Variants in DNAJC12 observed in about 807,000 individuals in gnomAD.
DNAJC12 encodes dnaJ homolog subfamily C member 12.
In DNAJC12, 25 loss-of-function variants were observed where a neutral mutation model predicts 28.5. The observed-to-expected ratio is 0.88, with a 90% CI of 0.64 to 1.22. The LOEUF is 1.22. Among genes scored for constraint, DNAJC12 ranks in the 50% most tolerant of loss-of-function variants. The pLI is 0.00. For missense variants in DNAJC12, 222 were observed against 231.7 expected (o/e 0.96, Z 0.27); for synonymous variants, 77 against 80.6 (o/e 0.95, Z 0.24).
chr10:67,832,882 A>G (rs1842107444), intron 1 of DNAJC12, among the ~76,000 whole-genome samples: 3 of 152,230 alleles, frequency 2.0e-5, no homozygotes, highest in South Asian at 4.1e-4. Flanking sequence ...AGGTCAATAA[A>G]GCACATCCAT....
intron 1 of DNAJC12, among the ~76,000 whole-genome samples, chr10:67,829,606 ACTCCAGC>A (rs1436835826): frequency 3.3e-5 from 5 of 152,148 alleles, no homozygotes; most frequent in Non-Finnish European, 7.3e-5. Context: ...GCGCCACTGT[ACTCCAGC>A]CTGGGCGACA....
At chr10:67,824,418 G>C (rs114419924) in intron 1 of DNAJC12, among the ~76,000 whole-genome samples, 1,545 of 151,320 alleles carry the variant, frequency 0.01, 30 homozygotes, top group African/African-American at 0.036. Context: ...CCTGTCTTTT[G>C]GTCTTTTTCT....
rs1842157667 is a variant in DNAJC12, at chr10:67,838,148, A to T, written c.-137T>A. 3.4e-6 allele frequency: 2 copies of T among 587,572 alleles called. No individual in the cohort carries two copies. The highest frequency in any genetic ancestry group is 6.0e-6 in the Non-Finnish European group (2 of 334,906). The allele number at this position is 587,572 out of a possible 1,614,324, so 36.4% of individuals were successfully genotyped here. ...AAAAACTAGCTTTAAGACTGGCCAC[A>T]GTCAATACACCAGATGTCATCCTAG... On this transcript the variant is annotated 5_prime_UTR_variant, in exon 1 of 5. Transcript: ENST00000225171.
chr10:67,812,059 G>A (rs186890331), intron 2 of DNAJC12, among the ~76,000 whole-genome samples: 9 of 152,094 alleles, frequency 5.9e-5, no homozygotes, highest in Non-Finnish European at 1.0e-4. Context: ...AGGCAAGAGG[G>A]ACAGTAAAAC....
At chr10:67,822,757 G>A (rs1458038855) in intron 2 of DNAJC12, among the ~76,000 whole-genome samples, 1 of 152,114 alleles carries the variant, frequency 6.6e-6, no homozygotes, top group African/African-American at 2.4e-5. Flanking sequence ...GGAGGCCGAG[G>A]TGGGGGATCA....
chr10:67,834,855 A>G (rs962747644), intron 1 of DNAJC12, among the ~76,000 whole-genome samples: 1 of 152,144 alleles, frequency 6.6e-6, no homozygotes, highest in Non-Finnish European at 1.5e-5. Flanking sequence ...AATCCAATAT[A>G]GGGAGAAAGG....
chr10:67,832,522 T>A (rs1180306696), intron 1 of DNAJC12, among the ~76,000 whole-genome samples: 1 of 152,082 alleles, frequency 6.6e-6, no homozygotes, highest in African/African-American at 2.4e-5. Flanking sequence ...ACACTTAAAA[T>A]ACAATAACTA....
intron 1 of DNAJC12, among the ~76,000 whole-genome samples, chr10:67,828,509 T>C (rs1310281852): frequency 6.6e-6 from 1 of 152,202 alleles, no homozygotes; most frequent in Non-Finnish European, 1.5e-5. Flanking sequence ...TAGGAAAAGA[T>C]GACTTCCTGT....
At chr10:67,825,713 A>G (rs1043531943) in intron 1 of DNAJC12, 1 of 152,304 alleles carries the variant, frequency 6.6e-6, no homozygotes, top group African/African-American at 2.4e-5. Context: ...CACTTTTACA[A>G]TCAAAGTCAG....
At chr10:67,825,410 CA>C (rs1289604165) in intron 1 of DNAJC12, 1 of 152,274 alleles carries the variant, frequency 6.6e-6, no homozygotes, top group East Asian at 1.9e-4. Context: ...GCTCCATTTC[CA>C]ACCTGGGCAG....
intron 4 of DNAJC12, among the ~76,000 whole-genome samples, chr10:67,799,518 T>C (rs532770031): frequency 2.0e-5 from 3 of 152,346 alleles, no homozygotes; most frequent in East Asian, 3.9e-4. Context: ...TTATGAGTTA[T>C]ATGTTCTTCC....
At chr10:67,806,654 G>T (rs1841803977) in intron 3 of DNAJC12, among the ~76,000 whole-genome samples, 2 of 151,926 alleles carry the variant, frequency 1.3e-5, no homozygotes, top group South Asian at 4.2e-4. Flanking sequence ...GTGAAACCAC[G>T]TCTCTACTAA....
chr10:67,821,770 T>C (rs768174316), intron 2 of DNAJC12, among the ~76,000 whole-genome samples: 8 of 152,154 alleles, frequency 5.3e-5, no homozygotes, highest in Non-Finnish European at 1.0e-4. Context: ...CCTACAGCAA[T>C]GGCACCCAGC....
At position 67,812,837 on chromosome 10, in the gene DNAJC12, G is replaced by C. The variant is rs558480547; in HGVS notation, c.158-1174C>G. 5.5e-4 allele frequency among the ~76,000 whole-genome samples: 82 copies of C among 150,312 alleles called. 4 individuals are homozygous for C. In the South Asian group the frequency reaches 0.017, roughly 31 times the overall value. On this transcript the variant is annotated intron_variant, in intron 2 of 4. Coordinates refer to ENST00000225171, the MANE Select transcript of DNAJC12 (RefSeq NM_021800.3). ...ACTGGACTCCAGCCTGGGCGACAGA[G>C]CGAGACTCCATCTCAAAAAAAAAAA...
intron 2 of DNAJC12, among the ~76,000 whole-genome samples, chr10:67,817,196 A>T (rs190102961): frequency 6.6e-6 from 1 of 152,192 alleles, no homozygotes; most frequent in Non-Finnish European, 1.5e-5. Flanking sequence ...TCCATTAAGC[A>T]CTTTCCACAT....
intron 1 of DNAJC12, among the ~76,000 whole-genome samples, chr10:67,837,148 C>T (rs1267636905): frequency 2.0e-5 from 3 of 151,778 alleles, no homozygotes; most frequent in Non-Finnish European, 2.9e-5. Context: ...TGTTATAATA[C>T]GAATGGGTAA....
intron 1 of DNAJC12, among the ~76,000 whole-genome samples, chr10:67,823,963 C>T (rs188109197): frequency 7.6e-4 from 115 of 152,070 alleles, no homozygotes; most frequent in African/African-American, 2.5e-3. Context: ...CCAGTCCAGA[C>T]GTGGTGGCTC....
intron 3 of DNAJC12, among the ~76,000 whole-genome samples, chr10:67,810,636 T>G (rs1841849987): frequency 6.6e-6 from 1 of 152,144 alleles, no homozygotes; most frequent in African/African-American, 2.4e-5. Flanking sequence ...TCTAGCCAGG[T>G]GCGATGGCTC....
chr10:67,799,208 T>C (rs1275944933), intron 4 of DNAJC12, among the ~76,000 whole-genome samples: 1 of 152,230 alleles, frequency 6.6e-6, no homozygotes, highest in African/African-American at 2.4e-5. Flanking sequence ...TACACTTCCA[T>C]TGATATTTTA....
Sources: allele counts gnomAD v4.1 joint callset (sites outside exome capture counted in the v4.1 genomes callset), GRCh38; gene constraint gnomAD v4.1.1; transcripts MANE v1.5; gene names NCBI Gene and HGNC (gene_info 2026-07-23, HGNC 2026-07-21).